Variants in PDE4D observed in about 807,000 individuals in gnomAD.
PDE4D encodes phosphodiesterase 4D.
In PDE4D, 24 loss-of-function variants were observed where a neutral mutation model predicts 87.4. The ratio of observed to expected loss-of-function variants is 0.27; its 90% CI spans 0.20 to 0.39. PDE4D has a LOEUF of 0.39. PDE4D is among the 10% of genes least tolerant of loss of function. PDE4D has a pLI of 1.00. For synonymous variants in PDE4D, 384 were observed against 383.2 expected (o/e 1.00, Z -0.02); for missense variants, 714 against 1,041.0 (o/e 0.69, Z 4.32).
At chr5:60,157,293 T>C (rs962337694) in intron 2 of PDE4D, among the ~76,000 whole-genome samples, 1 of 152,200 alleles carries the variant, frequency 6.6e-6, no homozygotes, top group Non-Finnish European at 1.5e-5. Flanking sequence ...ATTTTACTTA[T>C]ACATTCATTC....
At chr5:59,923,905 A>C (rs1754964526) in intron 3 of PDE4D, among the ~76,000 whole-genome samples, 1 of 152,216 alleles carries the variant, frequency 6.6e-6, no homozygotes, top group African/African-American at 2.4e-5. Context: ...CCAGTGACCA[A>C]TCCTGGAAAG....
chr5:59,399,533 A>G lies in PDE4D; in HGVS notation c.456-183565T>C, dbSNP rs1343666386. Among the ~76,000 whole-genome samples the G allele has an allele frequency of 4.5e-4, 60 of 134,036 alleles. 1 individual carries two copies. The highest frequency in any genetic ancestry group is 1.6e-3 in the African/African-American group (59 of 38,020). The allele number at this position is 134,036 out of a possible 152,430, so 87.9% of individuals were successfully genotyped here. On this transcript the variant is annotated intron_variant, in intron 1 of 14. Transcript: ENST00000340635. ...CTGGGAAAACTGGCTAGCCATATTT[A>G]GAAAGCTGAAACTGGATCCCTTCCT...
intron 1 of PDE4D, among the ~76,000 whole-genome samples, chr5:59,652,882 G>T (rs60992003): frequency 0.026 from 3,912 of 151,574 alleles, 156 homozygotes; most frequent in African/African-American, 0.09. Flanking sequence ...ACAAAATGCT[G>T]AATTCTTTTA....
intron 1 of PDE4D, among the ~76,000 whole-genome samples, chr5:59,845,540 C>A (rs1297540082): frequency 1.3e-5 from 2 of 152,172 alleles, no homozygotes; most frequent in East Asian, 3.9e-4. Context: ...TGGGACATCT[C>A]AGGAAATAGC....
At chr5:60,177,952 T>C (rs1784070581) in intron 2 of PDE4D, among the ~76,000 whole-genome samples, 1 of 152,150 alleles carries the variant, frequency 6.6e-6, no homozygotes, top group Admixed American at 6.5e-5. Flanking sequence ...ATCTTCCTCA[T>C]GAATGTCTAC....
At chr5:59,451,623 CAG>C (rs1799168702) in intron 1 of PDE4D, among the ~76,000 whole-genome samples, 1 of 152,194 alleles carries the variant, frequency 6.6e-6, no homozygotes, top group African/African-American at 2.4e-5. Flanking sequence ...TCTTGTTTCA[CAG>C]AGTCTCTCAA....
chr5:59,111,250 T>C (rs998962382), intron 5 of PDE4D, among the ~76,000 whole-genome samples: 5 of 152,218 alleles, frequency 3.3e-5, no homozygotes, highest in African/African-American at 1.2e-4. Flanking sequence ...CCACCTTTTC[T>C]TCTTCTGGCT....
At chr5:60,499,324 A>G (rs181225518) in intron 1 of PDE4D, among the ~76,000 whole-genome samples, 1 of 152,328 alleles carries the variant, frequency 6.6e-6, no homozygotes, top group Admixed American at 6.5e-5. Flanking sequence ...ATATATAAGG[A>G]AACAGAGGAA....
intron 1 of PDE4D, among the ~76,000 whole-genome samples, chr5:59,695,663 A>G (rs1751667534): frequency 6.6e-6 from 1 of 152,156 alleles, no homozygotes; most frequent in African/African-American, 2.4e-5. Context: ...GTGCAGTGGT[A>G]CAAACACAGT....
intron 1 of PDE4D, among the ~76,000 whole-genome samples, chr5:60,471,894 T>C (rs1377560741): frequency 2.0e-5 from 3 of 152,140 alleles, no homozygotes; most frequent in Non-Finnish European, 2.9e-5. Flanking sequence ...ACTCCCAAAG[T>C]ATGCCTATGC....
chr5:59,377,245 G>A (rs1240965826), intron 1 of PDE4D, among the ~76,000 whole-genome samples: 7 of 151,770 alleles, frequency 4.6e-5, no homozygotes, highest in Non-Finnish European at 8.8e-5. Flanking sequence ...GTGAAACCCT[G>A]TCTCTACTAA....
At chr5:60,095,646 C>A (rs1775602341) in intron 2 of PDE4D, among the ~76,000 whole-genome samples, 1 of 152,026 alleles carries the variant, frequency 6.6e-6, no homozygotes, top group South Asian at 2.1e-4. Flanking sequence ...ACAATGGAAT[C>A]TGTCTATCTA....
At chr5:59,346,744 A>C (rs987712610) in intron 1 of PDE4D, among the ~76,000 whole-genome samples, 1 of 152,194 alleles carries the variant, frequency 6.6e-6, no homozygotes, top group Non-Finnish European at 1.5e-5. Flanking sequence ...CGTCCCAACC[A>C]GTGAGTGGCA....
At chr5:60,490,359 CAAAG>C (rs923750496), upstream of PDE4D, 1 of 152,156 alleles carries the variant, frequency 6.6e-6, no homozygotes, top group African/African-American at 2.4e-5. Context: ...CACACTGAAA[CAAAG>C]GAAGTGATGT....
At chr5:60,493,122 T>G (rs1347731091) in intron 1 of PDE4D, among the ~76,000 whole-genome samples, 4 of 152,180 alleles carry the variant, frequency 2.6e-5, no homozygotes, top group African/African-American at 9.6e-5. Context: ...CCCTGCCCTG[T>G]ATTTTGCTGT....
chr5:59,903,067 C>T (rs778118405), intron 3 of PDE4D, among the ~76,000 whole-genome samples: 5 of 152,060 alleles, frequency 3.3e-5, no homozygotes, highest in South Asian at 2.1e-4. Flanking sequence ...TCTTTGGCTG[C>T]GAGTTGCCCA....
At chr5:58,976,226 C>T (rs1743745858) in intron 13 of PDE4D, 124 bp downstream of exon 13, 2 of 1,051,422 alleles carry the variant, frequency 1.9e-6, no homozygotes, top group Admixed American at 3.4e-5. Flanking sequence ...AAAAATCCTG[C>T]CTACAATTGC....
At chr5:60,108,160 G>C (rs1012122155) in intron 2 of PDE4D, among the ~76,000 whole-genome samples, 5 of 151,692 alleles carry the variant, frequency 3.3e-5, no homozygotes, top group Non-Finnish European at 5.9e-5. Context: ...CTTCAGCAAA[G>C]TCTCAGGATA....
intron 1 of PDE4D, among the ~76,000 whole-genome samples, chr5:59,503,145 A>T (rs927328074): frequency 7.2e-5 from 11 of 152,140 alleles, no homozygotes; most frequent in Non-Finnish European, 1.6e-4. Flanking sequence ...GTTAGGCTAC[A>T]ATATTCCTGA....
Sources: gnomAD v4.1 joint callset for allele counts (sites outside exome capture counted in the v4.1 genomes callset) on GRCh38, gnomAD v4.1.1 for gene constraint, MANE v1.5 for transcripts, NCBI Gene and HGNC (gene_info 2026-07-23, HGNC 2026-07-21) for gene names.